PDK1: variants seen among roughly 807,000 people sequenced by gnomAD.
The protein encoded by PDK1 is pyruvate dehydrogenase kinase 1, also known as [Pyruvate dehydrogenase (acetyl-transferring)] kinase isozyme 1, mitochondrial.
A neutral mutation model predicts 54.2 loss-of-function variants in PDK1; 39 were observed. That is an observed-to-expected ratio of 0.72 (90% CI 0.56 to 0.94). The LOEUF is 0.94. PDK1 is among the 40% of genes least tolerant of loss of function. PDK1 has a pLI of 0.00. For missense variants in PDK1, 552 were observed against 566.0 expected, an observed-to-expected ratio of 0.98 and a Z score of 0.25; for synonymous variants, 221 against 207.1, an observed-to-expected ratio of 1.07 and a Z score of -0.58.
At chr2:172,686,601 A>G in the PDK1 span, among the ~76,000 whole-genome samples, 1 of 152,230 alleles carries the variant, frequency 6.6e-6, no homozygotes, top group African/African-American at 2.4e-5. Context: ...CTGCAGCAGC[A>G]ACCTGCTTGG....
the PDK1 span, among the ~76,000 whole-genome samples, chr2:172,648,080 G>A: frequency 8.6e-4 from 131 of 152,304 alleles, no homozygotes; most frequent in African/African-American, 3.1e-3. Context: ...GTCATGGATT[G>A]AAGAAGACTA....
At chr2:172,708,850 G>T in the PDK1 span, among the ~76,000 whole-genome samples, 3 of 152,204 alleles carry the variant, frequency 2.0e-5, no homozygotes, top group Non-Finnish European at 4.4e-5. Context: ...TGTTTTGACT[G>T]GGACCCATCG....
chr2:172,569,828 C>T lies in PDK1; in HGVS notation c.847-898C>T, dbSNP rs114422963. Reference sequence around the variant, plus strand: ...TTGGGATTACAGGCATAAACCACTGCACCTAGCCCTAAAATCTTTTTATCC... The same window carrying T: ...TTGGGATTACAGGCATAAACCACTGTACCTAGCCCTAAAATCTTTTTATCC... On this transcript the variant is annotated intron_variant, in intron 7 of 10. Coordinates refer to ENST00000282077, the MANE Select transcript of PDK1 (RefSeq NM_002610.5). 2.0e-3 allele frequency among the ~76,000 whole-genome samples: 305 copies of T among 152,304 alleles called. 2 individuals carry two copies. The highest frequency in any genetic ancestry group is 7.2e-3 in the African/African-American group (299 of 41,550).
intron 8 of PDK1, among the ~76,000 whole-genome samples, chr2:172,573,444 T>G (rs527760230): frequency 9.5e-4 from 145 of 152,150 alleles, no homozygotes; most frequent in Non-Finnish European, 1.5e-3. Flanking sequence ...CTTTTATTGT[T>G]GAGTTGTAAC....
chr2:172,630,907 G>A, the PDK1 span, among the ~76,000 whole-genome samples: 5 of 152,148 alleles, frequency 3.3e-5, no homozygotes, highest in East Asian at 7.7e-4. Flanking sequence ...TGGGTTTATA[G>A]GCATGAGCCA....
At chr2:172,685,400 C>T in the PDK1 span, among the ~76,000 whole-genome samples, 1 of 152,178 alleles carries the variant, frequency 6.6e-6, no homozygotes, top group African/African-American at 2.4e-5. Context: ...GCCTTCAAGG[C>T]TCTGCATGTT....
chr2:172,557,716 G>T (rs1007654414), intron 1 of PDK1, among the ~76,000 whole-genome samples: 3 of 148,660 alleles, frequency 2.0e-5, no homozygotes, highest in African/African-American at 7.5e-5. Context: ...CTGGGCTCAA[G>T]CCATCCTCCC....
chr2:172,713,435 A>G, the PDK1 span, among the ~76,000 whole-genome samples: 1 of 152,032 alleles, frequency 6.6e-6, no homozygotes, highest in Non-Finnish European at 1.5e-5. Context: ...AGGCTGTTCG[A>G]GCTGAGGGAT....
intron 6 of PDK1, among the ~76,000 whole-genome samples, chr2:172,568,441 G>A (rs894889202): frequency 7.3e-5 from 11 of 151,158 alleles, no homozygotes; most frequent in African/African-American, 1.7e-4. Flanking sequence ...ATTCCTACCC[G>A]AAAGTTAAGC....
At position 172,603,367 on chromosome 2, in the gene PDK1, T is replaced by A. The variant is rs964287038; in HGVS notation, c.*7398T>A. 1.3e-5 allele frequency: 2 copies of A among 152,226 alleles called. No homozygotes were observed. The highest frequency in any genetic ancestry group is 2.9e-5 in the Non-Finnish European group (2 of 68,038). 9.4% of individuals were successfully genotyped at this position (152,226 alleles called of 1,614,324 possible). A position where few individuals can be genotyped will look rare whatever the true frequency, so the allele number is the denominator to read the frequency against. On this transcript the variant is annotated 3_prime_UTR_variant, in exon 11 of 11. Transcript: ENST00000282077. ...GAGATCGAAAACCCATTAGTTAATC[T>A]TTGTGACATCTGAATTTTAAGGATC...
At chr2:172,710,035 G>A in the PDK1 span, among the ~76,000 whole-genome samples, 2 of 152,148 alleles carry the variant, frequency 1.3e-5, no homozygotes, top group African/African-American at 2.4e-5. Context: ...GCTGACCCTG[G>A]GAATGTTGAC....
the PDK1 span, among the ~76,000 whole-genome samples, chr2:172,655,510 C>T: frequency 6.6e-6 from 1 of 152,218 alleles, no homozygotes; most frequent in Non-Finnish European, 1.5e-5. Context: ...ACTTTCTTTT[C>T]ACGTAAGAAG....
chr2:172,671,815 G>T, the PDK1 span, among the ~76,000 whole-genome samples: 1 of 152,084 alleles, frequency 6.6e-6, no homozygotes, highest in Non-Finnish European at 1.5e-5. Flanking sequence ...TTGCCCTTAG[G>T]ATATCCCTAG....
chr2:172,659,143 C>T, the PDK1 span, among the ~76,000 whole-genome samples: 11 of 152,246 alleles, frequency 7.2e-5, no homozygotes, highest in African/African-American at 2.6e-4. Flanking sequence ...CACTATGTGA[C>T]GTCACCCCTT....
intron 8 of PDK1, 144 bp downstream of exon 8, chr2:172,570,968 C>T: frequency 1.8e-6 from 1 of 562,624 alleles, no homozygotes; most frequent in South Asian, 2.6e-5. Context: ...ATAATAAGCA[C>T]ATTGCTTCAT....
At chr2:172,621,986 CATG>C in the PDK1 span, among the ~76,000 whole-genome samples, 1 of 144,186 alleles carries the variant, frequency 6.9e-6, no homozygotes, top group Non-Finnish European at 1.5e-5. Context: ...GTTTATATCT[CATG>C]ATGCATGTTT....
the PDK1 span, among the ~76,000 whole-genome samples, chr2:172,624,376 C>G: frequency 1.3e-5 from 2 of 152,132 alleles, no homozygotes; most frequent in African/African-American, 4.8e-5. Flanking sequence ...AGCTCTGCCT[C>G]CTATCAGTTC....
In PDK1 at chr2:172,595,362, GC is replaced by G. The variant is rs1429032600; in HGVS notation, c.1171-465del. On this transcript the variant is annotated intron_variant, in intron 10 of 10. Coordinates refer to ENST00000282077, the MANE Select transcript of PDK1 (RefSeq NM_002610.5). ...TGGGATTATAGGCATAAGCCACCGT[GC>G]CTGGCTTGTGATGAGTTTTTTTTAA... Among the ~76,000 whole-genome samples, 11 of 152,266 alleles carry G rather than the reference GC, an allele frequency of 7.2e-5. No individual in the cohort carries two copies. In the Middle Eastern group the frequency reaches 0.01, roughly 141 times the overall value.
the PDK1 span, among the ~76,000 whole-genome samples, chr2:172,638,117 T>C: frequency 2.6e-5 from 4 of 152,216 alleles, no homozygotes; most frequent in Admixed American, 2.0e-4. Flanking sequence ...GAAACAGTCA[T>C]GCAAGCAACT....
Sources: gnomAD v4.1 joint callset for allele counts (sites outside exome capture counted in the v4.1 genomes callset) on GRCh38, gnomAD v4.1.1 for gene constraint, MANE v1.5 for transcripts, NCBI Gene and HGNC (gene_info 2026-07-23, HGNC 2026-07-21) for gene names.